The following PRKAR1B variants were observed in gnomAD, a reference collection of about 807,000 sequenced individuals.
PRKAR1B encodes cAMP-dependent protein kinase type I-beta regulatory subunit.
A neutral mutation model predicts 46.5 loss-of-function variants in PRKAR1B; 22 were observed. That is an observed-to-expected ratio of 0.47 (90% CI 0.34 to 0.68). PRKAR1B has a LOEUF of 0.68. PRKAR1B is among the 30% of genes least tolerant of loss of function. The probability of loss-of-function intolerance (pLI) is 0.01; values close to 1 mark genes in which losing one functional copy is unlikely to be tolerated. For missense variants in PRKAR1B, 445 were observed against 535.6 expected, an observed-to-expected ratio of 0.83 and a Z score of 1.67; for synonymous variants, 259 against 217.7, an observed-to-expected ratio of 1.19 and a Z score of -1.67.
intron 6 of PRKAR1B, among the ~76,000 whole-genome samples, chr7:598,754 G>A (rs956702360): frequency 2.0e-5 from 3 of 152,250 alleles, no homozygotes; most frequent in Admixed American, 6.5e-5. Flanking sequence ...GAGGTCGGGA[G>A]GGGTTTGCTT....
chr7:697,515 T>C (rs2128520204), intron 2 of PRKAR1B, among the ~76,000 whole-genome samples: 1 of 151,888 alleles, frequency 6.6e-6, no homozygotes, highest in Middle Eastern at 3.4e-3. Context: ...CAGGCATGAG[T>C]GGTGTTTCTG....
intron 4 of PRKAR1B, among the ~76,000 whole-genome samples, chr7:676,670 G>A (rs557939660): frequency 1.1e-4 from 16 of 152,348 alleles, no homozygotes; most frequent in Non-Finnish European, 1.8e-4. Flanking sequence ...CCACCCCTGC[G>A]TGGTGAGCCC....
chr7:591,523 C>T (rs1373490406), intron 7 of PRKAR1B, among the ~76,000 whole-genome samples: 1 of 152,236 alleles, frequency 6.6e-6, no homozygotes, highest in Non-Finnish European at 1.5e-5. Flanking sequence ...ATCTTGCCAG[C>T]ACCTACACAC....
chr7:577,571 C>T (rs1779932291), intron 9 of PRKAR1B, among the ~76,000 whole-genome samples: 1 of 152,188 alleles, frequency 6.6e-6, no homozygotes, highest in East Asian at 1.9e-4. Flanking sequence ...TGCCCGGGGC[C>T]ACCTGGGGAG....
intron 9 of PRKAR1B, among the ~76,000 whole-genome samples, chr7:557,464 C>T (rs1336354857): frequency 2.0e-5 from 3 of 152,232 alleles, no homozygotes; most frequent in South Asian, 4.1e-4. Context: ...TGCACACTGA[C>T]GGTGGTGACA....
Position 625,661 on chromosome 7 carries a change from A to C in PRKAR1B, c.441-18209T>G, listed in dbSNP as rs909233685. Reference sequence around the variant, plus strand: ...GGGCATCACTACAGGTCCTATGGACAAGGGACACCACTACAGGTCCTATGG... The same window carrying C: ...GGGCATCACTACAGGTCCTATGGACCAGGGACACCACTACAGGTCCTATGG... On this transcript the variant is annotated intron_variant, in intron 4 of 10. Transcript: ENST00000537384. 1.8e-4 allele frequency among the ~76,000 whole-genome samples: 28 copies of C among 152,388 alleles called. 1 individual carries two copies. The highest frequency in any genetic ancestry group is 6.3e-4 in the African/African-American group (26 of 41,596).
chr7:673,235 C>T (rs1786388779), intron 4 of PRKAR1B, among the ~76,000 whole-genome samples: 2 of 152,112 alleles, frequency 1.3e-5, no homozygotes, highest in East Asian at 1.9e-4. Context: ...CTCAGGGTCC[C>T]TTCGTGATCT....
intron 4 of PRKAR1B, chr7:607,829 C>T (rs141839276): frequency 1.7e-3 from 366 of 213,162 alleles, no homozygotes; most frequent in African/African-American, 8.1e-3. Flanking sequence ...AACCAGCAAT[C>T]TTGATGACAT....
In PRKAR1B at chr7:570,794, C is replaced by T. The variant is rs746319546; in HGVS notation, c.891+8462G>A. Among the ~76,000 whole-genome samples the T allele has an allele frequency of 6.2e-4, 95 of 152,168 alleles. 1 individual carries two copies. Among genetic ancestry groups the T allele is most frequent in the Admixed American group, 1.0e-3 (16 of 15,284 alleles). Reference sequence around the variant, plus strand: ...CAGACTCACCCTGCCCGCTCTCCCACCTTGGACCGCTGCCTGCAGCCCCCT... The same window carrying T: ...CAGACTCACCCTGCCCGCTCTCCCATCTTGGACCGCTGCCTGCAGCCCCCT... On this transcript the variant is annotated intron_variant, in intron 9 of 10. Transcript: ENST00000537384.
chr7:605,732 A>C (rs1781996159), intron 6 of PRKAR1B, among the ~76,000 whole-genome samples: 1 of 152,184 alleles, frequency 6.6e-6, no homozygotes, highest in Non-Finnish European at 1.5e-5. Flanking sequence ...CTGGGAGCCA[A>C]ACGCAGGCGC....
chr7:707,513 C>T (rs1395286890), intron 2 of PRKAR1B, among the ~76,000 whole-genome samples: 3 of 152,092 alleles, frequency 2.0e-5, no homozygotes, highest in Admixed American at 6.6e-5. Context: ...CGCTGGGATC[C>T]GTGAATCGTG....
At chr7:637,359 A>C (rs1299086179) in intron 4 of PRKAR1B, among the ~76,000 whole-genome samples, 1 of 151,756 alleles carries the variant, frequency 6.6e-6, no homozygotes, top group Non-Finnish European at 1.5e-5. Flanking sequence ...GGAGATTGCA[A>C]TGAGCCGAGA....
intron 1 of PRKAR1B, among the ~76,000 whole-genome samples, chr7:715,673 C>G (rs1323009583): frequency 6.6e-6 from 1 of 152,072 alleles, no homozygotes; most frequent in Non-Finnish European, 1.5e-5. Flanking sequence ...ACTAAATGTA[C>G]TTACAGTGAC....
intron 7 of PRKAR1B, among the ~76,000 whole-genome samples, chr7:590,932 G>A (rs944336536): frequency 3.3e-5 from 5 of 152,288 alleles, no homozygotes; most frequent in East Asian, 1.9e-4. Context: ...AGCGGAGAGC[G>A]GGCCGGATGC....
At chr7:603,519 G>C (rs539840898) in intron 6 of PRKAR1B, among the ~76,000 whole-genome samples, 1 of 152,170 alleles carries the variant, frequency 6.6e-6, no homozygotes, top group African/African-American at 2.4e-5. Context: ...GGTCCTCCTC[G>C]TCACAAGTGC....
intron 9 of PRKAR1B, among the ~76,000 whole-genome samples, chr7:561,172 C>T (rs974613017): frequency 6.6e-5 from 10 of 151,628 alleles, no homozygotes; most frequent in South Asian, 2.1e-4. Context: ...CACACGGGTA[C>T]GTGCATACAC....
Position 666,715 on chromosome 7 carries a change from G to A in PRKAR1B, c.440+10514C>T, listed in dbSNP as rs932421712. 3.3e-5 allele frequency among the ~76,000 whole-genome samples: 5 copies of A among 152,202 alleles called. No homozygotes were observed. Among genetic ancestry groups the A allele is most frequent in the East Asian group, 1.9e-4 (1 of 5,196 alleles). ...GCTGACTGTGGGTGCTGGGAGGCCCGGAGCGGCCTATTCACCAACTCAGGC... is the reference window on the plus strand; with the variant it reads ...GCTGACTGTGGGTGCTGGGAGGCCCAGAGCGGCCTATTCACCAACTCAGGC... On this transcript the variant is annotated intron_variant, in intron 4 of 10. Coordinates refer to ENST00000537384, the MANE Select transcript of PRKAR1B (RefSeq NM_001164760.2). The surrounding 1 kb of genome is among the most constrained non-coding windows in gnomAD (Gnocchi z 4.9).
rs73669611 is a variant in PRKAR1B at position 676,778 on chromosome 7, G to A, written c.440+451C>T. On this transcript the variant is annotated intron_variant, in intron 4 of 10. Coordinates refer to ENST00000537384, the MANE Select transcript of PRKAR1B (RefSeq NM_001164760.2). ...AAACGGCAAAGCCTCCCTGGAGGCC[G>A]GGGAGGGCGGCGGTGATTCCCAGGA... Among the ~76,000 whole-genome samples, 571 of 152,224 alleles carry A rather than the reference G, an allele frequency of 3.8e-3. 4 individuals are homozygous for A. The highest frequency in any genetic ancestry group is 0.013 in the African/African-American group (529 of 41,546).
rs1781359027 is a variant in PRKAR1B, at chr7:727,253, C to G, written c.-66G>C. 1 of 1,339,974 alleles carries G rather than the reference C, an allele frequency of 7.5e-7. No homozygotes were observed. The highest frequency in any genetic ancestry group is 9.5e-7 in the Non-Finnish European group (1 of 1,049,288). 83.0% of individuals were successfully genotyped at this position (1,339,974 alleles called of 1,614,324 possible). A position where few individuals can be genotyped will look rare whatever the true frequency, so the allele number is the denominator to read the frequency against. ...GCGCTGCGCTGCTCCCTGCTCGACC[C>G]CTTCGCCGCCGTGCGCCGCGAGAGC... On this transcript the variant is annotated 5_prime_UTR_variant, in exon 1 of 11. Transcript: ENST00000537384.
Sources: allele counts gnomAD v4.1 joint callset (sites outside exome capture counted in the v4.1 genomes callset), GRCh38; gene constraint gnomAD v4.1.1; non-coding constraint Gnocchi (gnomAD v3.1); transcripts MANE v1.5; gene names NCBI Gene and HGNC (gene_info 2026-07-23, HGNC 2026-07-21).